The following SRPX variants were observed in gnomAD, a reference collection of about 807,000 sequenced individuals.
SRPX encodes sushi repeat-containing protein SRPX.
Under a neutral mutation model 38.1 loss-of-function variants are expected in SRPX, and 24 were observed. The observed-to-expected ratio is 0.63, with a 90% CI of 0.46 to 0.89. The LOEUF (loss-of-function observed/expected upper bound fraction) is 0.89, where lower values mean the gene tolerates loss of function less well. Ranked by LOEUF, SRPX falls within the 40% of genes least tolerant of loss-of-function variation. The pLI is 0.00. For synonymous variants in SRPX, 184 were observed against 153.8 expected, an observed-to-expected ratio of 1.20 and a Z score of -1.45; for missense variants, 416 against 377.8, an observed-to-expected ratio of 1.10 and a Z score of -0.84.
intron 1 of SRPX, among the ~76,000 whole-genome samples, chrX:38,179,412 G>A (rs1341622101): frequency 8.9e-6 from 1 of 112,390 alleles, no homozygotes; most frequent in African/African-American, 3.2e-5. Flanking sequence ...TGAAGTGGTA[G>A]CAGATGCCAA....
At chrX:38,212,732 T>C (rs946344822) in intron 1 of SRPX, among the ~76,000 whole-genome samples, 3 of 111,319 alleles carry the variant, frequency 2.7e-5, no homozygotes, top group African/African-American at 9.8e-5. Flanking sequence ...CAGGACTACA[T>C]AGATATAGTT....
At chrX:38,186,281 G>T (rs1938783476) in intron 1 of SRPX, among the ~76,000 whole-genome samples, 1 of 110,244 alleles carries the variant, frequency 9.1e-6, no homozygotes, top group Non-Finnish European at 1.9e-5. Context: ...CATAAGTAAG[G>T]TTATAAGAAG....
At position 38,220,828 on chromosome X, in the gene SRPX, C is replaced by T. The variant is rs1279449199; in HGVS notation, c.-36G>A. 1 of 1,064,971 alleles carries T rather than the reference C, an allele frequency of 9.4e-7. No homozygotes were observed. Among genetic ancestry groups the T allele is most frequent in the Admixed American group, 4.2e-5 (1 of 23,928 alleles). 87.8% of individuals were successfully genotyped at this position (1,064,971 alleles called of 1,213,427 possible). A position where few individuals can be genotyped will look rare whatever the true frequency, so the allele number is the denominator to read the frequency against. ...CGCTTAGCTCGCCTCGGCAGCGCAG[C>T]GCGCTTCCCGGGGGCGGCAGGAGAC... On this transcript the variant is annotated 5_prime_UTR_variant, in exon 1 of 10. Transcript: ENST00000378533.
At chrX:38,189,889 C>T (rs776087381) in intron 1 of SRPX, among the ~76,000 whole-genome samples, 1 of 112,180 alleles carries the variant, frequency 8.9e-6, no homozygotes, top group East Asian at 2.8e-4. Context: ...CAAAAGTTTT[C>T]TTCCCCTTGA....
At chrX:38,150,207 T>C (rs1200312277) in intron 9 of SRPX, among the ~76,000 whole-genome samples, 1 of 112,450 alleles carries the variant, frequency 8.9e-6, no homozygotes, top group South Asian at 3.7e-4. Context: ...TTTTAGATTA[T>C]AGTCAGGAAG....
In SRPX at chrX:38,211,105, G is replaced by T. The variant is rs187822066; in HGVS notation, c.97+9591C>A. 1.3e-4 allele frequency among the ~76,000 whole-genome samples: 15 copies of T among 112,416 alleles called. No individual in the cohort carries two copies. In the East Asian group the frequency reaches 3.6e-3, roughly 27 times the overall value. On this transcript the variant is annotated intron_variant, in intron 1 of 9. Transcript: ENST00000378533. Reference sequence around the variant, plus strand: ...GCCATAGACAAATACCCAAAGGAATGAACATGGCTGTGTTCCAATAACATC... The same window carrying T: ...GCCATAGACAAATACCCAAAGGAATTAACATGGCTGTGTTCCAATAACATC...
chrX:38,164,809 T>C lies in SRPX; in HGVS notation c.613A>G (p.Thr205Ala). ...TCTGCTGTGTCTCTTCCTTCGGGTG[T>C]CTCCCAGGACACCCGGACTGTCAGT... The part of the protein sequence containing the change: ...NKLTVRVSWE[T>A]PEGRDTADGI... The change falls in exon 5 of 10, where the codon ACA (threonine) becomes GCA (alanine). Residue 205 changes from threonine (T) to alanine (A), a missense_variant. Thr to Ala is a moderately conservative substitution (Grantham distance 58, BLOSUM62 0). Coordinates refer to ENST00000378533, the MANE Select transcript of SRPX (RefSeq NM_006307.5). 2.5e-6 allele frequency: 3 copies of C among 1,210,834 alleles called. No individual in the cohort carries two copies. The highest frequency in any genetic ancestry group is 3.4e-6 in the Non-Finnish European group (3 of 894,830).
chrX:38,220,574 G>A, intron 1 of SRPX, 122 bp downstream of exon 1: 3 of 1,028,876 alleles, frequency 2.9e-6, no homozygotes, highest in Non-Finnish European at 3.8e-6. Context: ...CTGCGAAAGA[G>A]GAGTTCTGCG....
chrX:38,220,651 G>A, intron 1 of SRPX, 45 bp downstream of exon 1: 1 of 1,184,273 alleles, frequency 8.4e-7, no homozygotes, highest in Non-Finnish European at 1.1e-6. Flanking sequence ...GACTCCGGGG[G>A]TCTTTGGTGC....
intron 4 of SRPX, among the ~76,000 whole-genome samples, chrX:38,166,937 C>G (rs913996043): frequency 3.6e-5 from 4 of 111,703 alleles, no homozygotes; most frequent in African/African-American, 1.3e-4. Context: ...TTTCCCAAAG[C>G]CAGCTTATCT....
At chrX:38,186,005 T>C (rs1000529176) in intron 1 of SRPX, among the ~76,000 whole-genome samples, 18 of 110,760 alleles carry the variant, frequency 1.6e-4, no homozygotes, top group Non-Finnish European at 3.0e-4. Context: ...ATTATCCCTG[T>C]CCCCTGGCAT....
At chrX:38,184,634 G>C (rs2147105221) in intron 1 of SRPX, among the ~76,000 whole-genome samples, 1 of 111,840 alleles carries the variant, frequency 8.9e-6, no homozygotes, top group African/African-American at 3.2e-5. Flanking sequence ...AGGGGAAAAA[G>C]ATGTTAGCTT....
At chrX:38,175,207 C>T (rs967272385) in intron 2 of SRPX, among the ~76,000 whole-genome samples, 3 of 112,102 alleles carry the variant, frequency 2.7e-5, no homozygotes, top group Non-Finnish European at 5.6e-5. Context: ...CATTGTCCCA[C>T]AATTGATGGG....
intron 1 of SRPX, among the ~76,000 whole-genome samples, chrX:38,207,648 C>T (rs1031139266): frequency 3.6e-5 from 4 of 112,186 alleles, no homozygotes; most frequent in Admixed American, 9.3e-5. Flanking sequence ...AAGACACTGG[C>T]GGAGGCCACA....
At chrX:38,202,506 A>G (rs1939131748) in intron 1 of SRPX, among the ~76,000 whole-genome samples, 1 of 111,946 alleles carries the variant, frequency 8.9e-6, no homozygotes, top group South Asian at 3.7e-4. Context: ...AGCATGCAGC[A>G]GGACATAATA....
intron 1 of SRPX, among the ~76,000 whole-genome samples, chrX:38,184,431 C>A (rs966843781): frequency 4.5e-5 from 5 of 111,592 alleles, no homozygotes; most frequent in Non-Finnish European, 9.4e-5. Context: ...TAGTAAATTG[C>A]ACCATCAATT....
intron 1 of SRPX, among the ~76,000 whole-genome samples, chrX:38,218,416 T>C (rs1939454227): frequency 8.9e-6 from 1 of 112,757 alleles, no homozygotes; most frequent in African/African-American, 3.2e-5. Context: ...TAGGTTTTTA[T>C]AGACACTGCA....
chrX:38,167,470 C>T (rs965440811), intron 4 of SRPX, among the ~76,000 whole-genome samples: 1 of 111,252 alleles, frequency 9.0e-6, no homozygotes, highest in Non-Finnish European at 1.9e-5. Flanking sequence ...GAGACCTAAG[C>T]CTGTTATTAC....
chrX:38,219,692 G>A (rs1261623086), intron 1 of SRPX, among the ~76,000 whole-genome samples: 3 of 111,986 alleles, frequency 2.7e-5, no homozygotes, highest in South Asian at 3.8e-4. Flanking sequence ...CCTTCTACCA[G>A]AACTCAGTAG....
Sources: allele counts gnomAD v4.1 joint callset (sites outside exome capture counted in the v4.1 genomes callset), GRCh38; gene constraint gnomAD v4.1.1; transcripts MANE v1.5; gene names NCBI Gene and HGNC (gene_info 2026-07-23, HGNC 2026-07-21).